The following SYCP2 variants were observed in gnomAD, a reference collection of about 807,000 sequenced individuals.
SYCP2 encodes the protein synaptonemal complex protein 2.
A neutral mutation model predicts 211.3 loss-of-function variants in SYCP2; 55 were observed. The ratio of observed to expected loss-of-function variants is 0.26; its 90% confidence interval spans 0.21 to 0.33. The LOEUF (loss-of-function observed/expected upper bound fraction) is 0.33, where lower values mean the gene tolerates loss of function less well. Among genes scored for constraint, SYCP2 ranks in the 10% least tolerant of loss-of-function variants. The pLI, the probability that SYCP2 is intolerant of heterozygous loss-of-function variation, is 1.00. For synonymous variants in SYCP2, 570 were observed against 555.2 expected, an observed-to-expected ratio of 1.03 and a Z score of -0.37; for missense variants, 1,731 against 1,752.0, an observed-to-expected ratio of 0.99 and a Z score of 0.21.
At chr20:59,931,425 T>C (rs2060738655) in intron 2 of SYCP2, among the ~76,000 whole-genome samples, 1 of 152,226 alleles carries the variant, frequency 6.6e-6, no homozygotes, top group Non-Finnish European at 1.5e-5. Flanking sequence ...TACATGTAGT[T>C]TTCTGTTTTG....
chr20:59,906,189 T>C (rs1159804778), intron 15 of SYCP2, among the ~76,000 whole-genome samples: 3 of 152,078 alleles, frequency 2.0e-5, no homozygotes, highest in Non-Finnish European at 4.4e-5. Flanking sequence ...AGCAAGCAAT[T>C]GATAAACCAA....
chr20:59,885,707 A>G (rs992133593), intron 26 of SYCP2, among the ~76,000 whole-genome samples: 1 of 152,132 alleles, frequency 6.6e-6, no homozygotes, highest in Non-Finnish European at 1.5e-5. Context: ...AAGTAAAAAT[A>G]TTATGCTCAT....
chr20:59,867,643 G>C, intron 39 of SYCP2, 68 bp downstream of exon 39: 2 of 1,365,456 alleles, frequency 1.5e-6, no homozygotes. Context: ...ACAAGCCAAT[G>C]GTCTAGTAGA....
chr20:59,879,296 C>T (rs1369426684), intron 31 of SYCP2, among the ~76,000 whole-genome samples: 1 of 150,024 alleles, frequency 6.7e-6, no homozygotes, highest in African/African-American at 2.4e-5. Flanking sequence ...ATACTTCTCT[C>T]CCTTTTATAT....
At chr20:59,915,130 T>C (rs1460712695) in intron 10 of SYCP2, 35 bp downstream of exon 10, 1 of 1,335,836 alleles carries the variant, frequency 7.5e-7, no homozygotes, top group African/African-American at 1.4e-5. Context: ...TTCATAAATA[T>C]GGAATAATTT....
chr20:59,878,897 C>A (rs2059611067), intron 31 of SYCP2, among the ~76,000 whole-genome samples: 1 of 152,022 alleles, frequency 6.6e-6, no homozygotes, highest in African/African-American at 2.4e-5. Context: ...GGAAGCAAAG[C>A]TGTTTTGGAA....
In SYCP2 at chr20:59,892,297, T is replaced by A; in HGVS notation, c.2057A>T (p.Glu686Val). ...ATTGTGTTTCTTGCAAACTTCTACTTCTGCTTTATCTATTTTGATATGGTC... is the reference window on the plus strand; with the variant it reads ...ATTGTGTTTCTTGCAAACTTCTACTACTGCTTTATCTATTTTGATATGGTC... ...QTDHIKIDKA[E>V]VEVCKKHNQQ... The change falls in exon 24 of 45, where the codon GAA (glutamate) becomes GTA (valine). Residue 686 changes from glutamate (E) to valine (V), a missense_variant. Coordinates refer to ENST00000357552, the MANE Select transcript of SYCP2 (RefSeq NM_014258.4). The A allele has an allele frequency of 6.2e-7, 1 of 1,612,378 alleles. No homozygotes were observed. Among genetic ancestry groups the A allele is most frequent in the Non-Finnish European group, 8.5e-7 (1 of 1,179,070 alleles).
chr20:59,887,715 A>T (rs1476121231), intron 24 of SYCP2, among the ~76,000 whole-genome samples: 3 of 152,028 alleles, frequency 2.0e-5, no homozygotes, highest in South Asian at 2.1e-4. Flanking sequence ...TTCTGCCCAT[A>T]AGAATAAAAA....
chr20:59,911,661 A>C lies in SYCP2; in HGVS notation c.972+89T>G, dbSNP rs562685722. ...TAAAATCTAGGTAAAGACTGGCTAG[A>C]ACATATAAAGAAATCCACATTCTTA... On this transcript the variant is annotated intron_variant, in intron 14 of 44. Coordinates refer to ENST00000357552, the MANE Select transcript of SYCP2 (RefSeq NM_014258.4). The C allele has an allele frequency of 1.5e-5, 8 of 522,836 alleles. No individual in the cohort carries two copies. In the South Asian group the frequency reaches 4.0e-4, roughly 26 times the overall value. The allele number at this position is 522,836 out of a possible 1,614,324, so 32.4% of individuals were successfully genotyped here. A position where few individuals can be genotyped will look rare whatever the true frequency, so the allele number is the denominator to read the frequency against.
intron 35 of SYCP2, among the ~76,000 whole-genome samples, chr20:59,870,839 T>C (rs562353941): frequency 3.9e-5 from 6 of 151,934 alleles, no homozygotes; most frequent in African/African-American, 1.4e-4. Flanking sequence ...AGCCTATGAC[T>C]AAATTAAGAC....
At position 59,896,538 on chromosome 20, in the gene SYCP2, C is replaced by G. The variant is rs187821055; in HGVS notation, c.1405-10G>C. ...TGCTAGGAGTAGTTTTCTGAAACCA[C>G]GATGAAAAACAACCACTGTAAACAC... On this transcript the variant is annotated splice_polypyrimidine_tract_variant and intron_variant, in intron 18 of 44. Coordinates refer to ENST00000357552, the MANE Select transcript of SYCP2 (RefSeq NM_014258.4). 1.9e-5 allele frequency: 27 copies of G among 1,455,668 alleles called. No homozygotes were observed. Among genetic ancestry groups the G allele is most frequent in the Non-Finnish European group, 2.4e-5 (25 of 1,039,838 alleles). The allele number at this position is 1,455,668 out of a possible 1,614,324, so 90.2% of individuals were successfully genotyped here. A position where few individuals can be genotyped will look rare whatever the true frequency, so the allele number is the denominator to read the frequency against.
intron 2 of SYCP2, among the ~76,000 whole-genome samples, chr20:59,924,685 A>G (rs1031527456): frequency 3.3e-5 from 5 of 152,066 alleles, no homozygotes; most frequent in African/African-American, 1.2e-4. Context: ...ATTATATTTT[A>G]AGAGATATAC....
At chr20:59,920,655 C>A (rs2060524266) in intron 4 of SYCP2, among the ~76,000 whole-genome samples, 168 bp from the exon 5 acceptor site, 1 of 151,522 alleles carries the variant, frequency 6.6e-6, no homozygotes, top group Non-Finnish European at 1.5e-5. Context: ...AGAATGTGAC[C>A]TGCCCAAAGC....
chr20:59,898,916 A>G (rs1189891248), intron 18 of SYCP2, among the ~76,000 whole-genome samples: 1 of 152,210 alleles, frequency 6.6e-6, no homozygotes, highest in African/African-American at 2.4e-5. Flanking sequence ...AGGGGAGAAT[A>G]CATACTACAG....
chr20:59,892,532 A>C, intron 23 of SYCP2, 36 bp downstream of exon 23: 1 of 1,568,748 alleles, frequency 6.4e-7, no homozygotes, highest in Non-Finnish European at 8.6e-7. Flanking sequence ...GGAAATTAAC[A>C]CTGAACTATT....
intron 25 of SYCP2, 129 bp from the exon 26 acceptor site, chr20:59,886,093 AAT>A: frequency 1.5e-6 from 1 of 668,638 alleles, no homozygotes; most frequent in South Asian, 2.0e-5. Flanking sequence ...ATGTAACAGT[AAT>A]AGTCTGATAG....
chr20:59,931,570 G>A (rs1436874117), intron 2 of SYCP2, among the ~76,000 whole-genome samples: 1 of 152,150 alleles, frequency 6.6e-6, no homozygotes, highest in East Asian at 1.9e-4. Flanking sequence ...AGCAACTGTT[G>A]AGGCAGGCTT....
chr20:59,869,723 A>G lies in SYCP2; in HGVS notation c.3741+75T>C, dbSNP rs1279035955. 3.9e-6 allele frequency: 3 copies of G among 776,528 alleles called. No homozygotes were observed. The Admixed American group carries it at 7.3e-5, about 19-fold the overall frequency. 48.1% of individuals were successfully genotyped at this position (776,528 alleles called of 1,614,324 possible). On this transcript the variant is annotated intron_variant, in intron 36 of 44. Coordinates refer to ENST00000357552, the MANE Select transcript of SYCP2 (RefSeq NM_014258.4). The stretch of plus-strand genomic sequence containing the variant: ...GCATTAAAATATTATAATTACCACT[A>G]AAGGTCAGTAATCTGAGTCTTATAA...
rs577423655 is a variant in SYCP2, at chr20:59,900,641, T to G, written c.1257+103A>C. 6.5e-5 allele frequency: 52 copies of G among 802,584 alleles called. No homozygotes were observed. The South Asian group carries it at 8.6e-4, about 13-fold the overall frequency. 49.7% of individuals were successfully genotyped at this position (802,584 alleles called of 1,614,324 possible). On this transcript the variant is annotated intron_variant, in intron 17 of 44. Coordinates refer to ENST00000357552, the MANE Select transcript of SYCP2 (RefSeq NM_014258.4). ...GGGGTACTGTTTATATTGAGACCAT[T>G]TGTTTTCTATATATTCACCCTCCAA...
Sources: gnomAD v4.1 joint callset for allele counts (sites outside exome capture counted in the v4.1 genomes callset) on GRCh38, gnomAD v4.1.1 for gene constraint, MANE v1.5 for transcripts, NCBI Gene and HGNC (gene_info 2026-07-23, HGNC 2026-07-21) for gene names.